Variants in NEDD4L observed in about 807,000 individuals in gnomAD.
The protein encoded by NEDD4L is NEDD4 like E3 ubiquitin protein ligase.
NEDD4L carries 54 observed loss-of-function variants against 148.9 expected under a neutral mutation model. The ratio of observed to expected loss-of-function variants is 0.36; its 90% CI spans 0.29 to 0.45. The LOEUF (loss-of-function observed/expected upper bound fraction) is 0.45, where lower values mean the gene tolerates loss of function less well. Among genes scored for constraint, NEDD4L ranks in the 20% least tolerant of loss-of-function variants. The pLI, the probability that NEDD4L is intolerant of heterozygous loss-of-function variation, is 1.00. For missense variants in NEDD4L, 856 were observed against 1,233.8 expected (o/e 0.69, Z 4.59); for synonymous variants, 433 against 440.7 (o/e 0.98, Z 0.22).
intron 1 of NEDD4L, among the ~76,000 whole-genome samples, chr18:58,072,860 G>GCA (rs1374633651): frequency 8.8e-6 from 1 of 113,872 alleles, no homozygotes; most frequent in Non-Finnish European, 1.6e-5. Context: ...ATCCTAAGGC[G>GCA]CGCGCGCGCG....
chr18:58,061,370 C>T (rs2082325011), intron 1 of NEDD4L, among the ~76,000 whole-genome samples: 1 of 152,164 alleles, frequency 6.6e-6, no homozygotes, highest in African/African-American at 2.4e-5. Context: ...AGTGTTAGAG[C>T]CAGAATTTGA....
intron 2 of NEDD4L, among the ~76,000 whole-genome samples, chr18:58,241,815 A>G (rs61582263): frequency 0.012 from 1,862 of 152,190 alleles, 80 homozygotes; most frequent in African/African-American, 0.042. Flanking sequence ...CCAGTTTACT[A>G]TCTCCTTGGA....
chr18:58,221,992 G>A lies in NEDD4L; in HGVS notation c.123-23435G>A, dbSNP rs187621156. On this transcript the variant is annotated intron_variant, in intron 2 of 30. Transcript: ENST00000400345. Reference sequence around the variant, plus strand: ...AAAGAATGAGCCTTGAAAAGAATTGGGATCAGAATTCTGGTCCCCTGTTCT... The same window carrying A: ...AAAGAATGAGCCTTGAAAAGAATTGAGATCAGAATTCTGGTCCCCTGTTCT... 4.1e-3 allele frequency among the ~76,000 whole-genome samples: 618 copies of A among 152,174 alleles called. 5 individuals carry two copies. Among genetic ancestry groups the A allele is most frequent in the African/African-American group, 0.014 (586 of 41,514 alleles).
intron 19 of NEDD4L, among the ~76,000 whole-genome samples, chr18:58,360,473 G>C (rs1417169344): frequency 6.6e-6 from 1 of 151,922 alleles, no homozygotes; most frequent in Non-Finnish European, 1.5e-5. Context: ...TCAGTTCATT[G>C]TGTTTATTAT....
chr18:58,210,852 C>G (rs2042535716), intron 2 of NEDD4L, among the ~76,000 whole-genome samples: 1 of 152,042 alleles, frequency 6.6e-6, no homozygotes, highest in Admixed American at 6.6e-5. Context: ...AATTTATTAA[C>G]AAATAGACTC....
At chr18:58,083,820 T>C (rs983818673) in intron 1 of NEDD4L, among the ~76,000 whole-genome samples, 1 of 152,194 alleles carries the variant, frequency 6.6e-6, no homozygotes, top group Non-Finnish European at 1.5e-5. Context: ...GAGTGAAACA[T>C]TCATACATGT....
At chr18:58,247,336 T>C (rs1307310499) in intron 3 of NEDD4L, 2 of 152,156 alleles carry the variant, frequency 1.3e-5, no homozygotes, top group African/African-American at 4.8e-5. Flanking sequence ...GCCAGTCTTT[T>C]GATTAGCAGG....
At chr18:58,304,192 A>G (rs1031864370) in intron 5 of NEDD4L, among the ~76,000 whole-genome samples, 1 of 152,034 alleles carries the variant, frequency 6.6e-6, no homozygotes, top group Admixed American at 6.5e-5. Flanking sequence ...TCCAAATGTT[A>G]ATGATGCTGA....
In NEDD4L at chr18:58,322,419, CCA is replaced by C; in HGVS notation, c.349-3_349-2del. The C allele has an allele frequency of 6.3e-7, 1 of 1,599,666 alleles. No individual in the cohort carries two copies. The highest frequency in any genetic ancestry group is 8.6e-7 in the Non-Finnish European group (1 of 1,167,536). The stretch of plus-strand genomic sequence containing the variant: ...TAAAATTTAATTTACTGTTTTTTCC[CCA>C]CAGACAGAAGATCCAACCATGGAGC... On this transcript the variant is annotated splice_region_variant and splice_polypyrimidine_tract_variant and intron_variant, in intron 6 of 30. Transcript: ENST00000400345.
chr18:58,145,390 G>A lies in NEDD4L; in HGVS notation c.49-20398G>A, dbSNP rs147487212. On this transcript the variant is annotated intron_variant, in intron 1 of 30. Coordinates refer to ENST00000400345, the MANE Select transcript of NEDD4L (RefSeq NM_001144967.3). ...TGTATTTTACTGTGAATAATATACC[G>A]TGGGTATCTTCCTTGCTTGATAGAT... is the stretch of plus-strand genomic sequence containing the variant. Among the ~76,000 whole-genome samples, 26 of 152,278 alleles carry A rather than the reference G, an allele frequency of 1.7e-4. 1 individual carries two copies. Among genetic ancestry groups the A allele is most frequent in the African/African-American group, 5.5e-4 (23 of 41,558 alleles).
chr18:58,164,342 A>G (rs1161072093), intron 1 of NEDD4L, among the ~76,000 whole-genome samples: 3 of 152,246 alleles, frequency 2.0e-5, no homozygotes, highest in African/African-American at 7.2e-5. Flanking sequence ...ATAAGTTACT[A>G]AAATGGCACC....
intron 1 of NEDD4L, among the ~76,000 whole-genome samples, chr18:58,090,041 T>C (rs892933741): frequency 8.5e-5 from 13 of 152,130 alleles, no homozygotes; most frequent in African/African-American, 3.1e-4. Context: ...GGTTTCACCA[T>C]GTTGGTCAGG....
intron 18 of NEDD4L, among the ~76,000 whole-genome samples, chr18:58,353,563 A>G (rs906142153): frequency 6.6e-6 from 1 of 152,274 alleles, no homozygotes; most frequent in South Asian, 2.1e-4. Context: ...GGAAAGCTGT[A>G]GAGCAGTACA....
intron 1 of NEDD4L, among the ~76,000 whole-genome samples, chr18:58,081,504 C>T (rs1048286868): frequency 1.3e-5 from 2 of 151,806 alleles, no homozygotes; most frequent in South Asian, 4.2e-4. Context: ...TGTGAGCCAC[C>T]GCACCCAGCT....
chr18:58,225,721 G>T (rs531522461), intron 2 of NEDD4L, among the ~76,000 whole-genome samples: 3 of 152,112 alleles, frequency 2.0e-5, no homozygotes, highest in Non-Finnish European at 4.4e-5. Context: ...TATTAGGTCC[G>T]GAGCCAGTGG....
At chr18:58,300,313 A>G (rs952582965) in intron 5 of NEDD4L, among the ~76,000 whole-genome samples, 1 of 152,196 alleles carries the variant, frequency 6.6e-6, no homozygotes, top group African/African-American at 2.4e-5. Flanking sequence ...GTGTGATGCA[A>G]ATAGGAGGGT....
chr18:58,079,846 G>C (rs898660590), intron 1 of NEDD4L, among the ~76,000 whole-genome samples: 1 of 152,216 alleles, frequency 6.6e-6, no homozygotes, highest in Admixed American at 6.5e-5. Flanking sequence ...GGACAATGAA[G>C]GTAGTCCCCA....
intron 2 of NEDD4L, among the ~76,000 whole-genome samples, chr18:58,172,503 C>T (rs568191689): frequency 2.6e-5 from 4 of 152,264 alleles, no homozygotes; most frequent in Admixed American, 2.0e-4. Flanking sequence ...CATGGGAGCT[C>T]GTTGGGTCCT....
rs770391466 is a variant in NEDD4L, at chr18:58,044,657, C to T, written c.-4C>T. 3.7e-6 allele frequency: 6 copies of T among 1,601,342 alleles called. No homozygotes were observed. The highest frequency in any genetic ancestry group is 1.7e-6 in the Non-Finnish European group (2 of 1,174,436). ...CCTCAGACCCCGCGCGGGGCGCCGG[C>T]TCCATGGCGACCGGGCTCGGGGAGC... On this transcript the variant is annotated 5_prime_UTR_variant, in exon 1 of 31. Transcript: ENST00000400345.
Sources: allele counts gnomAD v4.1 joint callset (sites outside exome capture counted in the v4.1 genomes callset), GRCh38; gene constraint gnomAD v4.1.1; transcripts MANE v1.5; gene names NCBI Gene and HGNC (gene_info 2026-07-23, HGNC 2026-07-21).